ANKS1A: variants seen among roughly 807,000 people sequenced by gnomAD.
ANKS1A encodes ankyrin repeat and sterile alpha motif domain containing 1A.
ANKS1A carries 55 observed loss-of-function variants against 120.3 expected under a neutral mutation model. That is an observed-to-expected ratio of 0.46 (90% CI 0.37 to 0.57). ANKS1A has a LOEUF of 0.57. Among genes scored for constraint, ANKS1A ranks in the 20% least tolerant of loss-of-function variants. ANKS1A has a pLI of 0.00. For missense variants in ANKS1A, 1,123 were observed against 1,480.3 expected (o/e 0.76, Z 3.96); for synonymous variants, 590 against 604.7 (o/e 0.98, Z 0.36).
chr6:35,025,303 G>A (rs1284618406), intron 11 of ANKS1A, among the ~76,000 whole-genome samples: 2 of 151,494 alleles, frequency 1.3e-5, no homozygotes, highest in Non-Finnish European at 2.9e-5. Context: ...GTGTGTGTGT[G>A]TATTTATGTA....
chr6:34,959,314 A>G (rs1180921794), intron 1 of ANKS1A, among the ~76,000 whole-genome samples: 2 of 152,232 alleles, frequency 1.3e-5, no homozygotes, highest in East Asian at 1.9e-4. Flanking sequence ...CATAGAGACC[A>G]TGTCATACTG....
chr6:35,080,077 G>C (rs1339205626), intron 16 of ANKS1A, 149 bp downstream of exon 16: 1 of 908,374 alleles, frequency 1.1e-6, no homozygotes, highest in African/African-American at 1.7e-5. Context: ...AGGAGGTTTA[G>C]AGAAGTTCCC....
At chr6:34,945,785 T>C (rs1769759201) in intron 1 of ANKS1A, among the ~76,000 whole-genome samples, 1 of 152,128 alleles carries the variant, frequency 6.6e-6, no homozygotes, top group Non-Finnish European at 1.5e-5. Context: ...TTGGATGAAA[T>C]TTGGTGGGAT....
chr6:34,947,654 T>C (rs1190815342), intron 1 of ANKS1A, among the ~76,000 whole-genome samples: 2 of 152,218 alleles, frequency 1.3e-5, no homozygotes, highest in South Asian at 4.1e-4. Flanking sequence ...ATTTAAAATC[T>C]GGAAAACAAA....
chr6:35,075,029 G>A (rs755747728), intron 13 of ANKS1A, among the ~76,000 whole-genome samples: 3 of 152,188 alleles, frequency 2.0e-5, no homozygotes, highest in Non-Finnish European at 2.9e-5. Context: ...GAAATACACA[G>A]GAATTTCAGA....
intron 11 of ANKS1A, among the ~76,000 whole-genome samples, chr6:35,021,486 C>T (rs1302482960): frequency 1.3e-5 from 2 of 152,236 alleles, no homozygotes; most frequent in African/African-American, 4.8e-5. Flanking sequence ...CCTCAGTAAG[C>T]TCACTGTTAT....
intron 11 of ANKS1A, among the ~76,000 whole-genome samples, chr6:35,020,974 G>A (rs1309211680): frequency 6.6e-6 from 1 of 152,196 alleles, no homozygotes; most frequent in Non-Finnish European, 1.5e-5. Flanking sequence ...AGAAGATCAA[G>A]GTTTGCTTAC....
At position 34,977,649 on chromosome 6, in the gene ANKS1A, T is replaced by C. The variant is rs138822057; in HGVS notation, c.436-4041T>C. Reference sequence around the variant, plus strand: ...GCATCTATCTTCCTAAACCTTCCATTTTTTTTTGGATCAGAGTTCTGCTTT... The same window carrying C: ...GCATCTATCTTCCTAAACCTTCCATCTTTTTTTGGATCAGAGTTCTGCTTT... On this transcript the variant is annotated intron_variant, in intron 3 of 23. Coordinates refer to ENST00000360359, the MANE Select transcript of ANKS1A (RefSeq NM_015245.3). Among the ~76,000 whole-genome samples the C allele has an allele frequency of 2.9e-4, 44 of 152,152 alleles. No individual in the cohort carries two copies. In the East Asian group the frequency reaches 7.9e-3, roughly 27 times the overall value.
At chr6:35,070,024 C>CAAAA (rs10667602) in intron 13 of ANKS1A, among the ~76,000 whole-genome samples, 7 of 95,436 alleles carry the variant, frequency 7.3e-5, no homozygotes, top group Non-Finnish European at 1.2e-4. Flanking sequence ...AAGACTCTGT[C>CAAAA]AAAAAAAAAA....
At chr6:35,043,790 T>C (rs566960985) in intron 11 of ANKS1A, among the ~76,000 whole-genome samples, 1 of 152,272 alleles carries the variant, frequency 6.6e-6, no homozygotes, top group South Asian at 2.1e-4. Context: ...GTTCTCTGCC[T>C]TCCTTTTATT....
At position 35,089,038 on chromosome 6, in the gene ANKS1A, G is replaced by A. The variant is rs541414116; in HGVS notation, c.*429G>A. On this transcript the variant is annotated 3_prime_UTR_variant, in exon 24 of 24. Coordinates refer to ENST00000360359, the MANE Select transcript of ANKS1A (RefSeq NM_015245.3). ...CCTGCATAGCCTCTGTCCTCAGGAC[G>A]GAACTTGGGTGCAGCTCAGTGGGTC... 12 of 1,090,936 alleles carry A rather than the reference G, an allele frequency of 1.1e-5. No individual in the cohort carries two copies. Among genetic ancestry groups the A allele is most frequent in the Middle Eastern group, 4.3e-4 (1 of 2,322 alleles). The allele number at this position is 1,090,936 out of a possible 1,614,324, so 67.6% of individuals were successfully genotyped here.
chr6:34,904,789 ATTTTC>A (rs556858777), intron 1 of ANKS1A, among the ~76,000 whole-genome samples: 21 of 151,804 alleles, frequency 1.4e-4, no homozygotes, highest in Non-Finnish European at 2.5e-4. Context: ...TCTGATTCTG[ATTTTC>A]TTTTCTTTTC....
intron 1 of ANKS1A, among the ~76,000 whole-genome samples, chr6:34,916,555 T>G (rs187674043): frequency 3.1e-4 from 47 of 152,310 alleles, no homozygotes; most frequent in African/African-American, 1.1e-3. Context: ...GTCCAAGAAA[T>G]TTTCATCAAC....
In ANKS1A at chr6:34,985,275, G is replaced by A. The variant is rs1340368346; in HGVS notation, c.1206G>A (p.Arg402=). 2.5e-6 allele frequency: 4 copies of A among 1,613,158 alleles called. No homozygotes were observed. Among genetic ancestry groups the A allele is most frequent in the East Asian group, 4.5e-5 (2 of 44,896 alleles). Residue 402 remains arginine (R), a synonymous_variant, in exon 8 of 24, where the codon AGG becomes AGA. Transcript: ENST00000360359. ...EAAGVKPAGV[R]PRERPPPPAK... ...CAGGAGTGAAACCTGCTGGAGTGAG[G>A]CCTGTATGTGACCCGGGGCTTACAC...
chr6:35,082,182 C>T lies in ANKS1A; in HGVS notation c.2710-509C>T, dbSNP rs551029249. On this transcript the variant is annotated intron_variant, in intron 17 of 23. Transcript: ENST00000360359. The surrounding 1 kb of genome is among the most constrained non-coding windows in gnomAD (Gnocchi z 4.1). Reference sequence around the variant, plus strand: ...TGATCTCTCACCTGGACCGCAGTGGCCTCCCCCACCCCCTAGCTGCTGCCA... The same window carrying T: ...TGATCTCTCACCTGGACCGCAGTGGTCTCCCCCACCCCCTAGCTGCTGCCA... Among the ~76,000 whole-genome samples the T allele has an allele frequency of 2.6e-5, 4 of 152,216 alleles. No homozygotes were observed. The highest frequency in any genetic ancestry group is 2.0e-4 in the Admixed American group (3 of 15,302).
At chr6:34,998,698 C>G (rs144089277) in intron 10 of ANKS1A, among the ~76,000 whole-genome samples, 2 of 152,140 alleles carry the variant, frequency 1.3e-5, no homozygotes, top group Non-Finnish European at 2.9e-5. Flanking sequence ...GTTGTGAGCC[C>G]TTAAAAGGGA....
chr6:35,053,902 C>T (rs965223888), intron 11 of ANKS1A, among the ~76,000 whole-genome samples, 197 bp from the exon 12 acceptor site: 4 of 152,198 alleles, frequency 2.6e-5, no homozygotes, highest in Non-Finnish European at 4.4e-5. Context: ...AGCAGTACAT[C>T]GGACCCTGTG....
chr6:34,989,305 A>C lies in ANKS1A; in HGVS notation c.1291A>C (p.Thr431Pro), dbSNP rs779397732. Reference protein sequence around the residue: ...DHIDKKYFPLTASEVLSMRPR... With the variant: ...DHIDKKYFPLPASEVLSMRPR... ...CATAGATAAGAAGTATTTTCCCTTG[A>C]CAGCTTCTGAGGTAGAGGGTTGTGG... Residue 431 changes from threonine (T) to proline (P), a missense_variant, in exon 9 of 24, where the codon ACA (threonine) becomes CCA (proline). Thr to Pro is a conservative substitution (Grantham distance 38, BLOSUM62 -1). This residue lies in a region of ANKS1A where 904 missense variants were observed against 1,130.4 expected (regional missense o/e 0.80). Transcript: ENST00000360359. 1.3e-5 allele frequency: 21 copies of C among 1,613,708 alleles called. No individual in the cohort carries two copies. Among genetic ancestry groups the C allele is most frequent in the Non-Finnish European group, 1.5e-5 (18 of 1,179,844 alleles).
chr6:34,925,103 A>G (rs548054002), intron 1 of ANKS1A, among the ~76,000 whole-genome samples: 1 of 152,244 alleles, frequency 6.6e-6, no homozygotes, highest in Non-Finnish European at 1.5e-5. Flanking sequence ...TTAATTTACA[A>G]GGAGACTTAA....
Sources: gnomAD v4.1 joint callset for allele counts (sites outside exome capture counted in the v4.1 genomes callset) on GRCh38, gnomAD v4.1.1 for gene constraint, gnomAD v4.1.1 regional missense constraint, Gnocchi (gnomAD v3.1) non-coding constraint, MANE v1.5 for transcripts, NCBI Gene and HGNC (gene_info 2026-07-23, HGNC 2026-07-21) for gene names.